The following KMT2C variants were observed in gnomAD, a reference collection of about 807,000 sequenced individuals.
KMT2C encodes histone-lysine N-methyltransferase 2C.
Under a neutral mutation model 507.9 loss-of-function variants are expected in KMT2C, and 88 were observed. That is an observed-to-expected ratio of 0.17 (90% confidence interval 0.15 to 0.21). The LOEUF is 0.21. Ranked by LOEUF, KMT2C falls within the 10% of genes least tolerant of loss-of-function variation. The pLI is 1.00. For synonymous variants in KMT2C, 2,049 were observed against 2,080.8 expected, an observed-to-expected ratio of 0.98 and a Z score of 0.42; for missense variants, 4,954 against 5,957.8, an observed-to-expected ratio of 0.83 and a Z score of 5.55.
chr7:152,320,428 T>C (rs2096762921), intron 3 of KMT2C, among the ~76,000 whole-genome samples: 3 of 152,136 alleles, frequency 2.0e-5, no homozygotes, highest in South Asian at 2.1e-4. Flanking sequence ...TTTGTATTTT[T>C]AGTAGAGACG....
At chr7:152,420,492 A>C (rs1280592795) in intron 1 of KMT2C, among the ~76,000 whole-genome samples, 1 of 152,232 alleles carries the variant, frequency 6.6e-6, no homozygotes, top group Non-Finnish European at 1.5e-5. Context: ...TTATCAACAG[A>C]GTAAACAGAC....
rs1213435810 is a variant in KMT2C, at chr7:152,248,598, A to T, written c.1836T>A (p.Asn612Lys). The T allele has an allele frequency of 1.2e-6, 2 of 1,610,388 alleles. No individual in the cohort carries two copies. The highest frequency in any genetic ancestry group is 1.7e-6 in the Non-Finnish European group (2 of 1,177,006). Residue 612 changes from asparagine (N) to lysine (K), a missense_variant, in exon 14 of 59, where the codon AAT (asparagine) becomes AAA (lysine). Asn to Lys is a moderately conservative substitution (Grantham distance 94, BLOSUM62 0). Coordinates refer to ENST00000262189, the MANE Select transcript of KMT2C (RefSeq NM_170606.3). ...TAGAAATCTGTTTTTCCAATTCAGT[A>T]TTCACTGTATGTTGGGATGATACTA... is the stretch of plus-strand genomic sequence containing the variant. The part of the protein sequence containing the change: ...LIAVSSQHTV[N>K]TELEKQISNE...
At chr7:152,383,748 C>A (rs568270627) in intron 1 of KMT2C, among the ~76,000 whole-genome samples, 22 of 152,222 alleles carry the variant, frequency 1.4e-4, no homozygotes, top group African/African-American at 5.3e-4. Context: ...CCGTTTCTGC[C>A]CCATCTGTAT....
rs1170418171 is a variant in KMT2C at position 152,368,519 on chromosome 7, T to C, written c.162-9844A>G. On this transcript the variant is annotated intron_variant, in intron 1 of 58. Transcript: ENST00000262189. ...CGCCGTGAGCTAATGAAAAAGAATT[T>C]GGAAGCACAGCACAAAGAATTAGAG... is the stretch of plus-strand genomic sequence containing the variant. The C allele has an allele frequency of 3.7e-6, 5 of 1,350,742 alleles. No individual in the cohort carries two copies. The African/African-American group carries it at 5.8e-5, about 16-fold the overall frequency. 83.7% of individuals were successfully genotyped at this position (1,350,742 alleles called of 1,614,324 possible).
Position 152,330,743 on chromosome 7 carries a change from C to G in KMT2C, c.251-4G>C. 4 of 1,613,210 alleles carry G rather than the reference C, an allele frequency of 2.5e-6. No individual in the cohort carries two copies. The highest frequency in any genetic ancestry group is 3.4e-6 in the Non-Finnish European group (4 of 1,179,576). ...TCTGCAGATTGTTCTTTGATTTCTG[C>G]TTAACAGTAAACAAGAGAAAACAAA... On this transcript the variant is annotated splice_polypyrimidine_tract_variant and splice_region_variant and intron_variant, in intron 2 of 58. Coordinates refer to ENST00000262189, the MANE Select transcript of KMT2C (RefSeq NM_170606.3).
chr7:152,153,294 C>T (rs1267161541), intron 48 of KMT2C, among the ~76,000 whole-genome samples: 1 of 152,188 alleles, frequency 6.6e-6, no homozygotes, highest in Non-Finnish European at 1.5e-5. Context: ...TTCCCTCCAG[C>T]TCTGACACAA....
At chr7:152,270,393 G>A (rs557068822) in intron 7 of KMT2C, among the ~76,000 whole-genome samples, 1 of 152,286 alleles carries the variant, frequency 6.6e-6, no homozygotes, top group African/African-American at 2.4e-5. Flanking sequence ...AGGAACAGGG[G>A]GTGAATTAGG....
At chr7:152,237,872 C>T (rs199718451) in intron 15 of KMT2C, among the ~76,000 whole-genome samples, 6 of 134,816 alleles carry the variant, frequency 4.5e-5, no homozygotes, top group African/African-American at 7.9e-5. Flanking sequence ...ATCGAGACTA[C>T]AGTAATCTCT....
chr7:152,238,426 G>A (rs1457316237), intron 15 of KMT2C, among the ~76,000 whole-genome samples: 1 of 152,160 alleles, frequency 6.6e-6, no homozygotes, highest in Non-Finnish European at 1.5e-5. Context: ...TATCATGAAT[G>A]AAAAGGTCCT....
chr7:152,349,139 C>A (rs969304913), intron 2 of KMT2C, among the ~76,000 whole-genome samples: 1 of 152,092 alleles, frequency 6.6e-6, no homozygotes, highest in Non-Finnish European at 1.5e-5. Context: ...AATGCACTAT[C>A]AAGACATGAA....
chr7:152,331,496 C>T (rs944573653), intron 2 of KMT2C, among the ~76,000 whole-genome samples: 1 of 151,394 alleles, frequency 6.6e-6, no homozygotes, highest in Non-Finnish European at 1.5e-5. Flanking sequence ...GTAGTCCTAG[C>T]GACTCTGGTG....
chr7:152,302,253 T>G (rs1387765069), intron 6 of KMT2C, among the ~76,000 whole-genome samples: 1 of 152,144 alleles, frequency 6.6e-6, no homozygotes, highest in Admixed American at 6.5e-5. Flanking sequence ...TGGTTTTTTT[T>G]GAGATGGAGT....
chr7:152,237,851 A>G (rs1013302287), intron 15 of KMT2C, among the ~76,000 whole-genome samples: 7 of 152,180 alleles, frequency 4.6e-5, no homozygotes, highest in African/African-American at 1.4e-4. Context: ...AAATTAAGTT[A>G]GTGATTAAAA....
At chr7:152,174,030 T>C in intron 39 of KMT2C, 101 bp downstream of exon 39, 1 of 648,256 alleles carries the variant, frequency 1.5e-6, no homozygotes, top group South Asian at 2.1e-5. Context: ...TGTTCATTCC[T>C]AGACAAGGGC....
Position 152,176,607 on chromosome 7 carries a change from T to C in KMT2C, c.8846A>G (p.Asn2949Ser). Residue 2949 changes from asparagine to serine, a missense_variant, in exon 38 of 59, where the codon AAT becomes AGT. Physicochemically the swap from Asn to Ser is conservative, Grantham distance 46 (BLOSUM62 1). This residue lies in a region of KMT2C where 1,689 missense variants were observed against 1,654.3 expected (regional missense o/e 1.02). Coordinates refer to ENST00000262189, the MANE Select transcript of KMT2C (RefSeq NM_170606.3). The stretch of plus-strand genomic sequence containing the variant: ...GAAAGGAGGCAAACTTGACACATGA[T>C]TGGATGGGGAGGCCGGCAGAGTTGG... ...PPPTLPASPS[N>S]HVSSLPPFIA... is the part of the protein sequence containing the mutation. 3 of 1,614,030 alleles carry C rather than the reference T, an allele frequency of 1.9e-6. No individual in the cohort carries two copies. Among genetic ancestry groups the C allele is most frequent in the African/African-American group, 1.3e-5 (1 of 74,996 alleles).
chr7:152,367,472 C>T, intron 1 of KMT2C: 1 of 804,068 alleles, frequency 1.2e-6, no homozygotes, highest in South Asian at 1.4e-5. Flanking sequence ...CCCACCTCGG[C>T]CTCCCAAAGT....
chr7:152,431,310 T>C (rs1376536197), intron 1 of KMT2C, among the ~76,000 whole-genome samples: 1 of 151,990 alleles, frequency 6.6e-6, no homozygotes, highest in East Asian at 1.9e-4. Flanking sequence ...ATATTAGAAA[T>C]TCCCTGGGCC....
intron 1 of KMT2C, among the ~76,000 whole-genome samples, chr7:152,417,505 TAACA>T (rs906335337): frequency 2.8e-4 from 43 of 152,284 alleles, no homozygotes; most frequent in African/African-American, 8.7e-4. Context: ...ATTTTATAGG[TAACA>T]AACAGATACA....
intron 1 of KMT2C, among the ~76,000 whole-genome samples, chr7:152,433,842 TGTGCGC>T (rs1449971029): frequency 1.3e-5 from 2 of 152,388 alleles, no homozygotes; most frequent in Non-Finnish European, 2.9e-5. Context: ...TGTGTGCGAG[TGTGCGC>T]GTGCGTGTGA....
Sources: allele counts gnomAD v4.1 joint callset (sites outside exome capture counted in the v4.1 genomes callset), GRCh38; gene constraint gnomAD v4.1.1; regional missense constraint gnomAD v4.1.1; transcripts MANE v1.5; gene names NCBI Gene and HGNC (gene_info 2026-07-23, HGNC 2026-07-21).